Variants in SNX2 observed in about 807,000 individuals in gnomAD.
The protein encoded by SNX2 is sorting nexin 2, also known as sorting nexin-2.
Under a neutral mutation model 69.9 loss-of-function variants are expected in SNX2, and 25 were observed. The observed-to-expected ratio is 0.36, with a 90% CI of 0.26 to 0.50. The LOEUF (loss-of-function observed/expected upper bound fraction) is 0.50. SNX2 is among the 20% of genes least tolerant of loss of function. SNX2 has a pLI of 0.97. For missense variants in SNX2, 551 were observed against 613.3 expected (o/e 0.90, Z 1.07); for synonymous variants, 229 against 200.4 (o/e 1.14, Z -1.20).
chr5:122,802,685 G>A (rs1378558349), intron 5 of SNX2, among the ~76,000 whole-genome samples: 1 of 152,154 alleles, frequency 6.6e-6, no homozygotes, highest in Non-Finnish European at 1.5e-5. Flanking sequence ...TCCAGTTAAA[G>A]GGACACTGCA....
chr5:122,818,934 G>A lies in SNX2; in HGVS notation c.1123G>A (p.Asp375Asn). Residue 375 changes from aspartate to asparagine, a missense_variant, in exon 11 of 15, where the codon GAC (aspartate) becomes AAC (asparagine). This residue lies in a region of SNX2 where 360 missense variants were observed against 450.4 expected (regional missense o/e 0.80). Transcript: ENST00000379516. ...GCTTGCAGAGGTTGAGGAGAAGATAGACCAGTTACATCAAGAACAAGCTTT... is the reference window on the plus strand; with the variant it reads ...GCTTGCAGAGGTTGAGGAGAAGATAAACCAGTTACATCAAGAACAAGCTTT... Reference protein sequence around the residue: ...SQLAEVEEKIDQLHQEQAFAD... With the variant: ...SQLAEVEEKINQLHQEQAFAD... 1 of 1,613,938 alleles carries A rather than the reference G, an allele frequency of 6.2e-7. No homozygotes were observed. The highest frequency in any genetic ancestry group is 8.5e-7 in the Non-Finnish European group (1 of 1,179,888).
At chr5:122,817,473 G>T (rs1753924066) in intron 10 of SNX2, 100 bp downstream of exon 10, 5 of 750,440 alleles carry the variant, frequency 6.7e-6, no homozygotes, top group Non-Finnish European at 6.1e-6. Context: ...TATTGCAGAA[G>T]AGAGAAAACA....
chr5:122,810,171 G>A (rs956293223), intron 7 of SNX2, among the ~76,000 whole-genome samples: 15 of 150,762 alleles, frequency 9.9e-5, no homozygotes, highest in Admixed American at 5.9e-4. Flanking sequence ...GGCGGTGCAA[G>A]ATGTGCTTTG....
At chr5:122,782,343 AT>A (rs1460108848) in intron 1 of SNX2, among the ~76,000 whole-genome samples, 1 of 151,674 alleles carries the variant, frequency 6.6e-6, no homozygotes, top group Non-Finnish European at 1.5e-5. Context: ...GGTTCAAAAG[AT>A]TCTCCTGCCT....
chr5:122,786,052 G>A (rs9327278), intron 1 of SNX2, among the ~76,000 whole-genome samples: 61,084 of 151,912 alleles, frequency 0.4, 12,835 homozygotes, highest in African/African-American at 0.49. Context: ...AAGCTATTTT[G>A]TTACATAGAT....
intron 1 of SNX2, among the ~76,000 whole-genome samples, chr5:122,794,023 G>C (rs1753312055): frequency 6.6e-6 from 1 of 151,652 alleles, no homozygotes; most frequent in African/African-American, 2.4e-5. Flanking sequence ...ATACGTTAGG[G>C]TTAAAGAAGT....
At chr5:122,775,871 T>TTG (rs773699646) in intron 1 of SNX2, 66 of 709,464 alleles carry the variant, frequency 9.3e-5, no homozygotes, top group Admixed American at 1.3e-4. Flanking sequence ...GAAACTGCTG[T>TTG]TGTGTGTGTG....
intron 2 of SNX2, among the ~76,000 whole-genome samples, chr5:122,798,145 G>T (rs969147590): frequency 6.7e-6 from 1 of 150,182 alleles, no homozygotes; most frequent in Admixed American, 6.7e-5. Flanking sequence ...TCTCACACTT[G>T]TAGCTTTGAT....
intron 6 of SNX2, among the ~76,000 whole-genome samples, chr5:122,805,103 C>T (rs377413364): frequency 6.6e-6 from 1 of 151,744 alleles, no homozygotes; most frequent in East Asian, 2.0e-4. Flanking sequence ...ACCAGCCTGG[C>T]CAACACGGTG....
intron 1 of SNX2, among the ~76,000 whole-genome samples, chr5:122,781,075 T>G (rs773756679): frequency 1.3e-5 from 2 of 152,174 alleles, no homozygotes; most frequent in Non-Finnish European, 2.9e-5. Context: ...CCATTAAATT[T>G]AAGGAGTTTT....
rs764681583 is a variant in SNX2 at position 122,799,903 on chromosome 5, T to TC, written c.390+52dup. ...TTAATATGTAAATATATACCTTTTT[T>TC]CCCCACCCAACATCACTCTGCTGTT... On this transcript the variant is annotated intron_variant, in intron 3 of 14. Coordinates refer to ENST00000379516, the MANE Select transcript of SNX2 (RefSeq NM_003100.4). The TC allele has an allele frequency of 9.1e-6, 13 of 1,434,694 alleles. No individual in the cohort carries two copies. The East Asian group carries it at 2.1e-4, about 23-fold the overall frequency. 88.9% of individuals were successfully genotyped at this position (1,434,694 alleles called of 1,614,324 possible).
intron 1 of SNX2, among the ~76,000 whole-genome samples, chr5:122,779,276 A>G (rs1446029967): frequency 6.6e-6 from 1 of 152,142 alleles, no homozygotes. Context: ...TCATCACCTC[A>G]GAAAGATACC....
At chr5:122,785,405 C>T (rs1483436224) in intron 1 of SNX2, among the ~76,000 whole-genome samples, 4 of 152,016 alleles carry the variant, frequency 2.6e-5, no homozygotes, top group Admixed American at 6.5e-5. Context: ...ACCTTGGCCT[C>T]CCAAAATGCT....
At chr5:122,790,068 A>G (rs1440361504) in intron 1 of SNX2, among the ~76,000 whole-genome samples, 3 of 152,184 alleles carry the variant, frequency 2.0e-5, no homozygotes, top group Non-Finnish European at 4.4e-5. Flanking sequence ...TCTCTCATAC[A>G]ATTGTAGTCA....
At chr5:122,787,247 T>C (rs924433147) in intron 1 of SNX2, among the ~76,000 whole-genome samples, 3 of 152,126 alleles carry the variant, frequency 2.0e-5, no homozygotes, top group African/African-American at 7.2e-5. Context: ...TGGCTGGGTG[T>C]GGTGGCTCAC....
intron 14 of SNX2, 53 bp downstream of exon 14, chr5:122,827,699 T>A: frequency 7.7e-7 from 1 of 1,290,476 alleles, no homozygotes; most frequent in Non-Finnish European, 1.1e-6. Flanking sequence ...TTTGGTATAC[T>A]TTCTTATTTT....
intron 1 of SNX2, among the ~76,000 whole-genome samples, chr5:122,776,265 T>G (rs1475847160): frequency 6.6e-6 from 1 of 152,184 alleles, no homozygotes; most frequent in Non-Finnish European, 1.5e-5. Context: ...TTCAGTTACC[T>G]GAAACTGGAA....
intron 1 of SNX2, among the ~76,000 whole-genome samples, chr5:122,789,474 G>GACACACACACACACACACACAC (rs60199625): frequency 2.1e-5 from 3 of 144,710 alleles, no homozygotes; most frequent in East Asian, 2.1e-4. Flanking sequence ...GACACACACG[G>GACACACACACACACACACACAC]ACACACACAC....
rs1754293186 is a variant in SNX2 at position 122,831,636 on chromosome 5, T to TGCTA, written c.*1989_*1992dup. 2.0e-5 allele frequency among the ~76,000 whole-genome samples: 3 copies of TGCTA among 152,352 alleles called. No homozygotes were observed. In the Middle Eastern group the frequency reaches 0.01, roughly 518 times the overall value. On this transcript the variant is annotated 3_prime_UTR_variant, in exon 15 of 15. Transcript: ENST00000379516. ...ATAATTCATAGTAATATATATCAGA[T>TGCTA]GCTATCTTGTTGCTCCATTAATATT... is the stretch of plus-strand genomic sequence containing the variant.
Sources: gnomAD v4.1 joint callset for allele counts (sites outside exome capture counted in the v4.1 genomes callset) on GRCh38, gnomAD v4.1.1 for gene constraint, gnomAD v4.1.1 regional missense constraint, MANE v1.5 for transcripts, NCBI Gene and HGNC (gene_info 2026-07-23, HGNC 2026-07-21) for gene names.